The following MON2 variants were observed in gnomAD, a reference collection of about 807,000 sequenced individuals.
MON2 encodes the protein MON2 regulator of endosome-to-Golgi trafficking, also known as protein MON2 homolog.
In MON2, 84 loss-of-function variants were observed where a neutral mutation model predicts 208.6. That is an observed-to-expected ratio of 0.40 (90% confidence interval 0.34 to 0.48). MON2 has a LOEUF of 0.48. Ranked by LOEUF, MON2 falls within the 20% of genes least tolerant of loss-of-function variation. The pLI is 0.59. For synonymous variants in MON2, 660 were observed against 694.0 expected (o/e 0.95, Z 0.77); for missense variants, 1,611 against 2,015.4 (o/e 0.80, Z 3.84).
Position 62,501,559 on chromosome 12 carries a change from A to G in MON2, c.664-14A>G, listed in dbSNP as rs760230238. On this transcript the variant is annotated splice_polypyrimidine_tract_variant and intron_variant, in intron 6 of 34. Coordinates refer to ENST00000393630, the MANE Select transcript of MON2 (RefSeq NM_015026.3). ...TAATTCTAGCATGTGAAATTGTTCGATTTATTTTCCCAGGATCTTTGTCAG... is the reference window on the plus strand; with the variant it reads ...TAATTCTAGCATGTGAAATTGTTCGGTTTATTTTCCCAGGATCTTTGTCAG... 1.6e-5 allele frequency: 25 copies of G among 1,610,918 alleles called. No homozygotes were observed. Among genetic ancestry groups the G allele is most frequent in the Non-Finnish European group, 2.0e-5 (23 of 1,178,064 alleles).
At chr12:62,468,903 C>T (rs2068645704) in intron 1 of MON2, among the ~76,000 whole-genome samples, 1 of 152,046 alleles carries the variant, frequency 6.6e-6, no homozygotes, top group Admixed American at 6.6e-5. Context: ...CCTCTATAGG[C>T]TGTTGTGGTC....
In MON2 at chr12:62,525,169, T is replaced by C. The variant is rs2072266744; in HGVS notation, c.1195T>C (p.Ser399Pro). The part of the protein sequence containing the change: ...IVNALGSFIQ[S>P]LFLVPPTGNP... ...AAATGCACTGGGATCTTTTATACAG[T>C]CCTTGTTTCTTGTCCCCCCTACTGG... The change falls in exon 10 of 35, where the codon TCC becomes CCC. Residue 399 changes from serine to proline, a missense_variant. Ser to Pro is a moderately conservative substitution (Grantham distance 74). Transcript: ENST00000393630. The C allele has an allele frequency of 6.2e-7, 1 of 1,613,212 alleles. No individual in the cohort carries two copies. Among genetic ancestry groups the C allele is most frequent in the Non-Finnish European group, 8.5e-7 (1 of 1,179,266 alleles).
intron 1 of MON2, among the ~76,000 whole-genome samples, chr12:62,478,730 T>G (rs559564728): frequency 4.6e-5 from 7 of 152,338 alleles, no homozygotes; most frequent in Middle Eastern, 6.8e-3. Flanking sequence ...TACTAAATTT[T>G]GAGAAACACT....
intron 2 of MON2, among the ~76,000 whole-genome samples, chr12:62,491,351 T>C (rs1218712866): frequency 6.6e-6 from 1 of 152,236 alleles, no homozygotes; most frequent in Admixed American, 6.5e-5. Context: ...AGAAAAATTC[T>C]AAGTGATTAG....
chr12:62,565,099 T>C, intron 26 of MON2, 138 bp from the exon 27 acceptor site: 1 of 799,132 alleles, frequency 1.3e-6, no homozygotes, highest in Non-Finnish European at 2.0e-6. Flanking sequence ...GTTTGTGTCC[T>C]TTAGGGCTCA....
intron 7 of MON2, among the ~76,000 whole-genome samples, chr12:62,507,275 A>G (rs1342218152): frequency 1.3e-5 from 2 of 151,528 alleles, no homozygotes; most frequent in African/African-American, 4.8e-5. Context: ...TTGAGTTTGT[A>G]TAGCTTGTTT....
At chr12:62,530,018 T>C (rs1038270892) in intron 11 of MON2, among the ~76,000 whole-genome samples, 1 of 152,172 alleles carries the variant, frequency 6.6e-6, no homozygotes, top group African/African-American at 2.4e-5. Context: ...TTCCAGGTAT[T>C]TAAAAATATG....
intron 19 of MON2, 44 bp from the exon 20 acceptor site, chr12:62,543,053 G>C (rs760675755): frequency 5.5e-6 from 6 of 1,087,060 alleles, no homozygotes; most frequent in Non-Finnish European, 8.0e-6. Flanking sequence ...TAATTACTCA[G>C]AATTCTCCTT....
At chr12:62,499,740 G>A (rs532143985) in intron 5 of MON2, among the ~76,000 whole-genome samples, 389 of 152,050 alleles carry the variant, frequency 2.6e-3, no homozygotes, top group Non-Finnish European at 4.0e-3. Flanking sequence ...GGGTGTGGTG[G>A]TGTGCACCTG....
At chr12:62,550,941 C>T (rs573307963) in intron 23 of MON2, among the ~76,000 whole-genome samples, 3 of 125,620 alleles carry the variant, frequency 2.4e-5, no homozygotes, top group African/African-American at 6.0e-5. Context: ...TTTTCTGAGA[C>T]GGAGTCTTGC....
chr12:62,474,711 A>T (rs1356959468), intron 1 of MON2, among the ~76,000 whole-genome samples: 1 of 152,230 alleles, frequency 6.6e-6, no homozygotes, highest in African/African-American at 2.4e-5. Flanking sequence ...GGTGTGAGCC[A>T]TCGCGGCCAG....
rs568386786 is a variant in MON2, at chr12:62,574,803, C to G, written c.4514+3221C>G. Among the ~76,000 whole-genome samples the G allele has an allele frequency of 4.3e-4, 66 of 152,224 alleles. 1 individual carries two copies. In the South Asian group the frequency reaches 0.012, roughly 29 times the overall value. ...ACTTTCTGTTGATCGTGAGCTGGTC[C>G]TTTCCCATCACTAGGCATTATTTTC... On this transcript the variant is annotated intron_variant, in intron 30 of 34. Transcript: ENST00000393630.
At chr12:62,487,852 A>G (rs1375196870) in intron 2 of MON2, among the ~76,000 whole-genome samples, 1 of 152,134 alleles carries the variant, frequency 6.6e-6, no homozygotes, top group East Asian at 1.9e-4. Flanking sequence ...AATACAAGAA[A>G]TACACTTGAA....
chr12:62,521,239 C>A (rs12300513), intron 8 of MON2, among the ~76,000 whole-genome samples: 1 of 151,966 alleles, frequency 6.6e-6, no homozygotes, highest in African/African-American at 2.4e-5. Context: ...GAATTCCTGA[C>A]CTCAAGTGAT....
At chr12:62,549,555 T>A in intron 22 of MON2, 113 bp from the exon 23 acceptor site, 1 of 837,732 alleles carries the variant, frequency 1.2e-6, no homozygotes, top group South Asian at 2.4e-5. Context: ...AGGTTGAGAG[T>A]GAGGCATGAT....
chr12:62,591,033 C>T (rs1202720509), intron 34 of MON2, among the ~76,000 whole-genome samples: 1 of 152,186 alleles, frequency 6.6e-6, no homozygotes, highest in Admixed American at 6.5e-5. Flanking sequence ...TTGTGTTTTA[C>T]CGTAATAAAC....
rs202208722 is a variant in MON2, at chr12:62,571,614, G to T, written c.4514+32G>T. On this transcript the variant is annotated intron_variant, in intron 30 of 34. Coordinates refer to ENST00000393630, the MANE Select transcript of MON2 (RefSeq NM_015026.3). ...TCATTCATTTTTAAAATTAAGACAA[G>T]AAGTGGCACATTATATCTTCAGTTG... is the stretch of plus-strand genomic sequence containing the variant. The T allele has an allele frequency of 2.6e-6, 4 of 1,526,690 alleles. No homozygotes were observed. In the Admixed American group the frequency reaches 5.5e-5, roughly 21 times the overall value. 94.6% of individuals were successfully genotyped at this position (1,526,690 alleles called of 1,614,324 possible). A position where few individuals can be genotyped will look rare whatever the true frequency, so the allele number is the denominator to read the frequency against.
intron 12 of MON2, 117 bp downstream of exon 12, chr12:62,532,787 A>G: frequency 8.5e-6 from 6 of 709,086 alleles, no homozygotes; most frequent in Non-Finnish European, 1.4e-5. Flanking sequence ...ACTTTCCCAC[A>G]TTTACCTTAC....
Position 62,560,993 on chromosome 12 carries a change from C to T in MON2, c.3912C>T (p.His1304=). ...DDLQKLGVIL[H]SAISVPISSD... ...TGCAAAAGTTGGGAGTCATATTGCA[C>T]AGTGCTATTTCAGTCCCAATAAGTT... Residue 1304 remains histidine, a synonymous_variant, in exon 26 of 35, where the codon CAC becomes CAT. Transcript: ENST00000393630. 2 of 1,613,888 alleles carry T rather than the reference C, an allele frequency of 1.2e-6. No homozygotes were observed. The highest frequency in any genetic ancestry group is 1.7e-6 in the Non-Finnish European group (2 of 1,179,846).
Sources: gnomAD v4.1 joint callset for allele counts (sites outside exome capture counted in the v4.1 genomes callset) on GRCh38, gnomAD v4.1.1 for gene constraint, MANE v1.5 for transcripts, NCBI Gene and HGNC (gene_info 2026-07-23, HGNC 2026-07-21) for gene names.